The following IAH1 variants were observed in gnomAD, a reference collection of about 807,000 sequenced individuals.
IAH1 encodes isoamyl acetate-hydrolyzing esterase 1 homolog.
In IAH1, 24 loss-of-function variants were observed where a neutral mutation model predicts 26.7. That is an observed-to-expected ratio of 0.90 (90% confidence interval 0.65 to 1.26). The LOEUF is 1.26. Ranked by LOEUF, IAH1 falls within the 50% of genes most tolerant of loss-of-function variation. The probability of loss-of-function intolerance (pLI) is 0.00; values close to 1 mark genes in which losing one functional copy is unlikely to be tolerated. For synonymous variants in IAH1, 140 were observed against 118.5 expected (o/e 1.18, Z -1.18); for missense variants, 300 against 299.9 (o/e 1.00, Z 0.00).
In IAH1 at chr2:9,474,554, G is replaced by GCCCCA. The variant is rs2124886515; in HGVS notation, c.-10_-9insCACCC. On this transcript the variant is annotated 5_prime_UTR_variant, in exon 1 of 6. Transcript: ENST00000497473. The surrounding 1 kb of genome is among the most constrained non-coding windows in gnomAD (Gnocchi z 4.3). The stretch of plus-strand genomic sequence containing the variant: ...GTGGCTGGCGGCCCCGCCCCGCCCC[G>GCCCCA]CCCGGCTGCTCCATGGCGCTGTGCG... The GCCCCA allele has an allele frequency of 2.0e-6, 2 of 1,008,642 alleles. No homozygotes were observed. Among genetic ancestry groups the GCCCCA allele is most frequent in the Non-Finnish European group, 1.4e-6 (1 of 704,726 alleles). 62.5% of individuals were successfully genotyped at this position (1,008,642 alleles called of 1,614,324 possible).
downstream of IAH1, among the ~76,000 whole-genome samples, chr2:9,499,110 CTTCTTTT>C (rs113122042): frequency 0.53 from 73,656 of 138,556 alleles, 19,364 homozygotes; most frequent in Middle Eastern, 0.67. Flanking sequence ...TTTCTTTCTT[CTTCTTTT>C]TTTTTTTTTT....
At chr2:9,508,651 A>C in the IAH1 span, among the ~76,000 whole-genome samples, 12 of 152,210 alleles carry the variant, frequency 7.9e-5, no homozygotes, top group Non-Finnish European at 1.5e-4. Context: ...TTTACAATTC[A>C]GTTCCTCAGT....
Position 9,488,246 on chromosome 2 carries a change from T to C in IAH1, c.664T>C (p.Ser222Pro). The C allele has an allele frequency of 1.9e-6, 3 of 1,613,810 alleles. No individual in the cohort carries two copies. Among genetic ancestry groups the C allele is most frequent in the Non-Finnish European group, 2.5e-6 (3 of 1,179,958 alleles). The change falls in exon 6 of 6, where the codon TCT becomes CCT. Residue 222 changes from serine (S) to proline (P), a missense_variant. By Grantham distance (74) the Ser-to-Pro change is moderately conservative. Transcript: ENST00000497473. The stretch of plus-strand genomic sequence containing the variant: ...GCCTTTGATAGAGAAAAAGGTCTCT[T>C]CTCTACCTTTGCTGCTTCCTTACTG... ...LWPLIEKKVS[S>P]LPLLLPYWRD...
chr2:9,490,570 G>A, downstream of IAH1: 1 of 1,514,686 alleles, frequency 6.6e-7, no homozygotes. Flanking sequence ...TGAATCGGAG[G>A]TCCTCACAGC....
chr2:9,494,591 A>G, downstream of IAH1: 1 of 1,602,066 alleles, frequency 6.2e-7, no homozygotes, highest in Non-Finnish European at 8.5e-7. Context: ...CAAAATAAAA[A>G]CTTCCTATCT....
In IAH1 at chr2:9,476,262, C is replaced by G. The variant is rs139622471; in HGVS notation, c.134+223C>G. Among the ~76,000 whole-genome samples the G allele has an allele frequency of 3.1e-3, 465 of 152,344 alleles. 3 individuals are homozygous for G. Among genetic ancestry groups the G allele is most frequent in the African/African-American group, 0.01 (436 of 41,574 alleles). On this transcript the variant is annotated intron_variant, in intron 2 of 5. Coordinates refer to ENST00000497473, the MANE Select transcript of IAH1 (RefSeq NM_001039613.3). ...GCACTGATGGCTGGGTAGACTCAGACAAATCAAGGAAATGGCCAAGGCCTC... is the reference window on the plus strand; with the variant it reads ...GCACTGATGGCTGGGTAGACTCAGAGAAATCAAGGAAATGGCCAAGGCCTC...
downstream of IAH1, chr2:9,496,975 C>G: frequency 7.6e-7 from 1 of 1,312,632 alleles, no homozygotes; most frequent in Non-Finnish European, 1.0e-6. Flanking sequence ...AGACACCACC[C>G]TGCCCTTCCC....
downstream of IAH1, chr2:9,497,201 C>A (rs752714332): frequency 1.2e-6 from 2 of 1,614,130 alleles, no homozygotes; most frequent in Non-Finnish European, 1.7e-6. Context: ...TCCAAGCAAA[C>A]AGTGTCATCT....
At chr2:9,483,950 CTT>C (rs1351550038) in intron 4 of IAH1, among the ~76,000 whole-genome samples, 3 of 152,354 alleles carry the variant, frequency 2.0e-5, no homozygotes, top group South Asian at 2.1e-4. Flanking sequence ...ACGAAGGTCT[CTT>C]TGTCTAAAGC....
downstream of IAH1, chr2:9,497,096 G>C: frequency 2.5e-6 from 4 of 1,610,354 alleles, no homozygotes; most frequent in Non-Finnish European, 3.4e-6. Context: ...CTGCTGGACT[G>C]GGAATAAAAC....
Position 9,488,129 on chromosome 2 carries a change from G to A in IAH1, c.565-18G>A, listed in dbSNP as rs940649749. On this transcript the variant is annotated intron_variant, in intron 5 of 5. Coordinates refer to ENST00000497473, the MANE Select transcript of IAH1 (RefSeq NM_001039613.3). ...CGTGGCCAGTTACCCACCTTTAACC[G>A]ATTTCTCTCCCTTCTAGGACTTCTC... 15 of 1,565,866 alleles carry A rather than the reference G, an allele frequency of 9.6e-6. No homozygotes were observed. Among genetic ancestry groups the A allele is most frequent in the East Asian group, 9.3e-5 (4 of 43,164 alleles).
intron 6 of IAH1, among the ~76,000 whole-genome samples, chr2:9,495,998 C>G (rs188397090): frequency 1.3e-5 from 2 of 152,044 alleles, no homozygotes; most frequent in Admixed American, 1.3e-4. Context: ...CTGCCCTCAA[C>G]CTATCTTCTT....
At chr2:9,511,195 T>C in the IAH1 span, among the ~76,000 whole-genome samples, 7 of 152,078 alleles carry the variant, frequency 4.6e-5, no homozygotes, top group Non-Finnish European at 1.0e-4. Flanking sequence ...ACACCTGTAA[T>C]CCCAGCACTT....
Position 9,474,865 on chromosome 2 carries a change from C to T in IAH1, c.81+218C>T, listed in dbSNP as rs1236494535. 3 of 531,468 alleles carry T rather than the reference C, an allele frequency of 5.6e-6. No homozygotes were observed. The highest frequency in any genetic ancestry group is 2.0e-5 in the African/African-American group (1 of 48,912). 32.9% of individuals were successfully genotyped at this position (531,468 alleles called of 1,614,324 possible). ...GGTCACGACGGCGTCCGCGAGAGCC[C>T]GGGCTCCAGGCACAGACGCGAGGGG... On this transcript the variant is annotated intron_variant, in intron 1 of 5. Coordinates refer to ENST00000497473, the MANE Select transcript of IAH1 (RefSeq NM_001039613.3). The surrounding 1 kb of genome is among the most constrained non-coding windows in gnomAD (Gnocchi z 4.3).
chr2:9,501,687 A>G, the IAH1 span, among the ~76,000 whole-genome samples: 1 of 152,192 alleles, frequency 6.6e-6, no homozygotes, highest in South Asian at 2.1e-4. Flanking sequence ...TAGATTCATG[A>G]TAACATTCAT....
At chr2:9,474,205 C>T (rs941899016), upstream of IAH1, among the ~76,000 whole-genome samples, 1 of 151,232 alleles carries the variant, frequency 6.6e-6, no homozygotes, top group Non-Finnish European at 1.5e-5. The surrounding 1 kb of genome is among the most constrained non-coding windows in gnomAD (Gnocchi z 4.3). Context: ...GAGCAGCCCT[C>T]CGCCCCACCG....
Position 9,474,739 on chromosome 2 carries a change from C to T in IAH1, c.81+92C>T. 4 of 990,776 alleles carry T rather than the reference C, an allele frequency of 4.0e-6. No individual in the cohort carries two copies. The highest frequency in any genetic ancestry group is 1.6e-5 in the South Asian group (1 of 60,760). The allele number at this position is 990,776 out of a possible 1,614,324, so 61.4% of individuals were successfully genotyped here. On this transcript the variant is annotated intron_variant, in intron 1 of 5. Transcript: ENST00000497473. The surrounding 1 kb of genome is among the most constrained non-coding windows in gnomAD (Gnocchi z 4.3). The stretch of plus-strand genomic sequence containing the variant: ...AGGCTCCTCGCCGTCCTCTTCGGCG[C>T]CCGAGACGGCTGGGCCGGAGGCCTG...
chr2:9,478,187 C>A, intron 2 of IAH1, 35 bp from the exon 3 acceptor site: 2 of 1,576,214 alleles, frequency 1.3e-6, no homozygotes, highest in Non-Finnish European at 1.7e-6. Context: ...ACACTTCTTG[C>A]CCACAATTCA....
At chr2:9,477,100 T>C (rs1380466989) in intron 2 of IAH1, among the ~76,000 whole-genome samples, 2 of 152,196 alleles carry the variant, frequency 1.3e-5, no homozygotes, top group Non-Finnish European at 2.9e-5. Flanking sequence ...TAGTCGCATT[T>C]TATAATCATT....
Sources: allele counts gnomAD v4.1 joint callset (sites outside exome capture counted in the v4.1 genomes callset), GRCh38; gene constraint gnomAD v4.1.1; non-coding constraint Gnocchi (gnomAD v3.1); transcripts MANE v1.5; gene names NCBI Gene and HGNC (gene_info 2026-07-23, HGNC 2026-07-21).